BICD2: variants seen among roughly 807,000 people sequenced by gnomAD.
BICD2 encodes the protein protein bicaudal D homolog 2.
Under a neutral mutation model 72.9 loss-of-function variants are expected in BICD2, and 25 were observed. The observed-to-expected ratio is 0.34, with a 90% confidence interval of 0.25 to 0.48. The LOEUF (loss-of-function observed/expected upper bound fraction) is 0.48. Ranked by LOEUF, BICD2 falls within the 20% of genes least tolerant of loss-of-function variation. The pLI is 0.99. For synonymous variants in BICD2, 501 were observed against 516.1 expected, an observed-to-expected ratio of 0.97 and a Z score of 0.40; for missense variants, 894 against 1,175.2, an observed-to-expected ratio of 0.76 and a Z score of 3.50.
Position 92,747,477 on chromosome 9 carries a change from G to A in BICD2, c.240+17028C>T, listed in dbSNP as rs527549005. Among the ~76,000 whole-genome samples, 39 of 152,308 alleles carry A rather than the reference G, an allele frequency of 2.6e-4. No homozygotes were observed. In the South Asian group the frequency reaches 8.1e-3, roughly 32 times the overall value. On this transcript the variant is annotated intron_variant, in intron 1 of 6. Transcript: ENST00000356884. ...GCCACAAGTGTAGGCAACAGCTCCA[G>A]GGATATGGCTCAGGACAGGGGGGTC... is the stretch of plus-strand genomic sequence containing the variant.
Position 92,714,201 on chromosome 9 carries a change from C to T in BICD2, c.*953G>A, listed in dbSNP as rs1853252034. 1 of 985,430 alleles carries T rather than the reference C, an allele frequency of 1.0e-6. No individual in the cohort carries two copies. Among genetic ancestry groups the T allele is most frequent in the African/African-American group, 1.7e-5 (1 of 57,248 alleles). The allele number at this position is 985,430 out of a possible 1,614,324, so 61.0% of individuals were successfully genotyped here. On this transcript the variant is annotated 3_prime_UTR_variant, in exon 7 of 7. Coordinates refer to ENST00000356884, the MANE Select transcript of BICD2 (RefSeq NM_001003800.2). ...AGCACCGGGCTGGGCTCTGGATACA[C>T]CTGTGGGTGTCCAACCCAGCCAAGC...
chr9:92,737,617 A>C (rs1853815600), intron 1 of BICD2, among the ~76,000 whole-genome samples: 2 of 152,210 alleles, frequency 1.3e-5, no homozygotes, highest in Non-Finnish European at 2.9e-5. Context: ...GAAGAGTAAA[A>C]GATTACGACC....
chr9:92,757,925 T>G (rs1854294007), intron 1 of BICD2, among the ~76,000 whole-genome samples: 1 of 152,100 alleles, frequency 6.6e-6, no homozygotes, highest in African/African-American at 2.4e-5. Flanking sequence ...GAGTAAAGGC[T>G]GGGCGCGGTG....
intron 1 of BICD2, among the ~76,000 whole-genome samples, chr9:92,757,765 C>A (rs1357161813): frequency 3.3e-5 from 5 of 152,104 alleles, no homozygotes; most frequent in African/African-American, 1.2e-4. Context: ...CTTACAGACA[C>A]AGCTACACAG....
In BICD2 at chr9:92,720,729, C is replaced by T; in HGVS notation, c.633G>A (p.Glu211=). The change falls in exon 4 of 7, where the codon GAG becomes GAA. Residue 211 remains glutamate (E), a synonymous_variant. Coordinates refer to ENST00000356884, the MANE Select transcript of BICD2 (RefSeq NM_001003800.2). The surrounding 1 kb of genome is among the most constrained non-coding windows in gnomAD (Gnocchi z 5.4). The part of the protein sequence containing the change: ...NQVEFEGLKH[E]IKRLEEETEY... The stretch of plus-strand genomic sequence containing the variant: ...CGGTCTCCTCCTCCAGACGCTTGAT[C>T]TCATGCTTGAGGCCCTCAAACTCCA... 6.2e-7 allele frequency: 1 copy of T among 1,614,036 alleles called. No individual in the cohort carries two copies. The highest frequency in any genetic ancestry group is 8.5e-7 in the Non-Finnish European group (1 of 1,179,960).
intron 1 of BICD2, among the ~76,000 whole-genome samples, chr9:92,748,096 T>C (rs1854053211): frequency 6.6e-6 from 1 of 152,024 alleles, no homozygotes; most frequent in African/African-American, 2.4e-5. Flanking sequence ...GCATTGCAGG[T>C]TCTTTTGGGA....
chr9:92,728,910 C>G (rs1177139786), intron 2 of BICD2, 114 bp downstream of exon 2: 5 of 1,151,588 alleles, frequency 4.3e-6, no homozygotes, highest in Admixed American at 4.6e-5. Flanking sequence ...ACAGACCAGC[C>G]AGCTGCAGCG....
At chr9:92,763,418 T>C (rs1564076076) in intron 1 of BICD2, among the ~76,000 whole-genome samples, 1 of 152,070 alleles carries the variant, frequency 6.6e-6, no homozygotes, top group Non-Finnish European at 1.5e-5. Context: ...ACACCAGTCC[T>C]TTCCAAATAC....
intron 1 of BICD2, among the ~76,000 whole-genome samples, chr9:92,742,224 T>C (rs1473529934): frequency 6.6e-6 from 1 of 152,078 alleles, no homozygotes; most frequent in Non-Finnish European, 1.5e-5. Context: ...ATCTCAAAGA[T>C]TTAGCAAGCA....
intron 1 of BICD2, among the ~76,000 whole-genome samples, chr9:92,739,985 T>C (rs1431474224): frequency 6.6e-6 from 1 of 152,188 alleles, no homozygotes; most frequent in Non-Finnish European, 1.5e-5. Context: ...TAAGCTGACA[T>C]AAATACAAGC....
rs536985166 is a variant in BICD2, at chr9:92,748,187, C to G, written c.240+16318G>C. ...CTCAGCAGCAGGAATGGCTCCCAGG[C>G]TTGCCCCTGTCCTGGGTCTTCCCCT... On this transcript the variant is annotated intron_variant, in intron 1 of 6. Coordinates refer to ENST00000356884, the MANE Select transcript of BICD2 (RefSeq NM_001003800.2). Among the ~76,000 whole-genome samples, 10 of 152,276 alleles carry G rather than the reference C, an allele frequency of 6.6e-5. No homozygotes were observed. In the East Asian group the frequency reaches 1.9e-3, roughly 29 times the overall value.
chr9:92,764,422 A>C lies in BICD2; in HGVS notation c.240+83T>G. The C allele has an allele frequency of 7.2e-7, 1 of 1,381,846 alleles. No homozygotes were observed. Among genetic ancestry groups the C allele is most frequent in the Non-Finnish European group, 9.3e-7 (1 of 1,070,064 alleles). 85.6% of individuals were successfully genotyped at this position (1,381,846 alleles called of 1,614,324 possible). ...CTGCCGGCCCCCGCTTGGCAAGCTGACCTTGGCCGCCCTGGTGCCAGGGAC... is the reference window on the plus strand; with the variant it reads ...CTGCCGGCCCCCGCTTGGCAAGCTGCCCTTGGCCGCCCTGGTGCCAGGGAC... On this transcript the variant is annotated intron_variant, in intron 1 of 6. Coordinates refer to ENST00000356884, the MANE Select transcript of BICD2 (RefSeq NM_001003800.2). The surrounding 1 kb of genome is among the most constrained non-coding windows in gnomAD (Gnocchi z 5.5).
chr9:92,744,028 T>C (rs1456755963), intron 1 of BICD2, among the ~76,000 whole-genome samples: 4 of 152,170 alleles, frequency 2.6e-5, no homozygotes, highest in Non-Finnish European at 5.9e-5. Context: ...CGCCACACAC[T>C]GCTGTGCTCC....
rs1454949934 is a variant in BICD2 at position 92,719,429 on chromosome 9, G to A, written c.1216C>T (p.Arg406Trp). 1.9e-6 allele frequency: 3 copies of A among 1,614,086 alleles called. No homozygotes were observed. Among genetic ancestry groups the A allele is most frequent in the Non-Finnish European group, 2.5e-6 (3 of 1,180,024 alleles). ...ALRRLQASKERQTALDNEKDR... is the reference protein window; with the variant it reads ...ALRRLQASKEWQTALDNEKDR... The stretch of plus-strand genomic sequence containing the variant: ...TTCTCGTTGTCCAGGGCTGTCTGCC[G>A]CTCCTTGCTGGCCTGCAGGCGCCGC... Residue 406 changes from arginine (R) to tryptophan (W), a missense_variant, in exon 5 of 7, where the codon CGG becomes TGG. By Grantham distance (101) the Arg-to-Trp change is moderately radical. This residue lies in a region of BICD2 where 371 missense variants were observed against 439.1 expected (regional missense o/e 0.84). Coordinates refer to ENST00000356884, the MANE Select transcript of BICD2 (RefSeq NM_001003800.2).
At chr9:92,759,202 C>CA (rs1226997133) in intron 1 of BICD2, among the ~76,000 whole-genome samples, 2 of 152,086 alleles carry the variant, frequency 1.3e-5, no homozygotes, top group Non-Finnish European at 1.5e-5. Context: ...CTAACTTTAA[C>CA]AAAAAACAAC....
chr9:92,720,277 C>T lies in BICD2; in HGVS notation c.1062+23G>A, dbSNP rs761467367. ...CAGACCTGGAGTGGGGACAGCGTGC[C>T]GAAGGCCCCACTGCCTGCTCACCTG... is the stretch of plus-strand genomic sequence containing the variant. On this transcript the variant is annotated intron_variant, in intron 4 of 6. Coordinates refer to ENST00000356884, the MANE Select transcript of BICD2 (RefSeq NM_001003800.2). This position sits in a 1 kb window ranked among gnomAD's most constrained non-coding sequence, Gnocchi z 5.4. 3.4e-5 allele frequency: 54 copies of T among 1,588,558 alleles called. No individual in the cohort carries two copies. Among genetic ancestry groups the T allele is most frequent in the Non-Finnish European group, 4.5e-5 (53 of 1,167,326 alleles).
chr9:92,718,608 C>T lies in BICD2; in HGVS notation c.2037G>A (p.Leu679=), dbSNP rs1017963764. 1.2e-6 allele frequency: 2 copies of T among 1,613,788 alleles called. No homozygotes were observed. The highest frequency in any genetic ancestry group is 1.7e-6 in the Non-Finnish European group (2 of 1,180,028). The change falls in exon 5 of 7, where the codon CTG becomes CTA. Residue 679 remains leucine (L), a synonymous_variant. Transcript: ENST00000356884. ...CCCGCTTGGTGCTGAGCAGCGACTTCAGCTTGAGGATCTCCTCCATAAGCG... is the reference window on the plus strand; with the variant it reads ...CCCGCTTGGTGCTGAGCAGCGACTTTAGCTTGAGGATCTCCTCCATAAGCG... ...KEALMEEILK[L]KSLLSTKREQ...
intron 1 of BICD2, among the ~76,000 whole-genome samples, chr9:92,738,583 A>G (rs575462656): frequency 2.0e-4 from 30 of 152,336 alleles, no homozygotes; most frequent in African/African-American, 7.0e-4. Context: ...CCTAGCTAGT[A>G]GAGGTTGCCC....
chr9:92,721,198 AATTAAC>A (rs1360034879), intron 3 of BICD2, among the ~76,000 whole-genome samples: 2 of 152,390 alleles, frequency 1.3e-5, no homozygotes, highest in East Asian at 1.9e-4. Flanking sequence ...AAAGTTATTT[AATTAAC>A]ATTAACAGTT....
Sources: gnomAD v4.1 joint callset for allele counts (sites outside exome capture counted in the v4.1 genomes callset) on GRCh38, gnomAD v4.1.1 for gene constraint, gnomAD v4.1.1 regional missense constraint, Gnocchi (gnomAD v3.1) non-coding constraint, MANE v1.5 for transcripts, NCBI Gene and HGNC (gene_info 2026-07-23, HGNC 2026-07-21) for gene names.